UNC80: variants seen among roughly 807,000 people sequenced by gnomAD.
UNC80 encodes the protein unc-80 subunit of NALCN channel complex, also known as protein unc-80 homolog.
A neutral mutation model predicts 384.6 loss-of-function variants in UNC80; 164 were observed. The observed-to-expected ratio is 0.43, with a 90% CI of 0.38 to 0.49. The LOEUF is 0.49. Among genes scored for constraint, UNC80 ranks in the 20% least tolerant of loss-of-function variants. The probability of loss-of-function intolerance (pLI) is 0.00; values close to 1 mark genes in which losing one functional copy is unlikely to be tolerated. For synonymous variants in UNC80, 1,486 were observed against 1,527.8 expected, an observed-to-expected ratio of 0.97 and a Z score of 0.64; for missense variants, 3,330 against 4,143.0, an observed-to-expected ratio of 0.80 and a Z score of 5.39.
intron 29 of UNC80, among the ~76,000 whole-genome samples, chr2:209,909,790 T>C (rs2088698807): frequency 6.6e-6 from 1 of 151,942 alleles, no homozygotes. Flanking sequence ...TAGGAAAAAA[T>C]GTCATTGGTC....
intron 22 of UNC80, among the ~76,000 whole-genome samples, chr2:209,860,176 G>A (rs913555120): frequency 1.3e-5 from 2 of 152,148 alleles, no homozygotes; most frequent in Non-Finnish European, 2.9e-5. Flanking sequence ...TTACATTTAA[G>A]TCTTTAATCC....
At chr2:209,926,676 T>G (rs193128358) in intron 35 of UNC80, among the ~76,000 whole-genome samples, 167 bp from the exon 36 acceptor site, 3 of 152,300 alleles carry the variant, frequency 2.0e-5, no homozygotes, top group African/African-American at 7.2e-5. Flanking sequence ...CTCTGGAGGC[T>G]GAGACAGGAG....
chr2:209,836,559 A>G (rs1256097383), intron 18 of UNC80, among the ~76,000 whole-genome samples: 1 of 152,206 alleles, frequency 6.6e-6, no homozygotes, highest in Non-Finnish European at 1.5e-5. Context: ...CTTTCTTCTT[A>G]TGTGAAGATA....
chr2:209,920,620 A>G (rs1286478746), intron 33 of UNC80, among the ~76,000 whole-genome samples: 1 of 152,168 alleles, frequency 6.6e-6, no homozygotes, highest in East Asian at 1.9e-4. Context: ...TTTTACATTC[A>G]ACCTTAGTAA....
chr2:209,943,019 T>C (rs1438541044), intron 44 of UNC80, among the ~76,000 whole-genome samples: 2 of 152,216 alleles, frequency 1.3e-5, no homozygotes, highest in Non-Finnish European at 2.9e-5. Context: ...GATTTGTATA[T>C]ACCATAATTC....
intron 59 of UNC80, among the ~76,000 whole-genome samples, chr2:209,980,434 G>A (rs2093129734): frequency 6.6e-6 from 1 of 152,176 alleles, no homozygotes; most frequent in Non-Finnish European, 1.5e-5. Flanking sequence ...ATACTGATGA[G>A]GCAGCAGGGG....
chr2:209,827,988 G>T (rs1012548533), intron 14 of UNC80, among the ~76,000 whole-genome samples: 1 of 152,088 alleles, frequency 6.6e-6, no homozygotes, highest in Non-Finnish European at 1.5e-5. Flanking sequence ...TATTCATTCA[G>T]AATTTAAGTA....
intron 7 of UNC80, among the ~76,000 whole-genome samples, chr2:209,799,002 G>C (rs1048633554): frequency 6.7e-6 from 1 of 150,090 alleles, no homozygotes; most frequent in African/African-American, 2.4e-5. Flanking sequence ...TCCTTTGATA[G>C]TTCTTTGATA....
chr2:209,806,637 AAGAAG>A (rs2078918945), intron 7 of UNC80, among the ~76,000 whole-genome samples: 1 of 152,240 alleles, frequency 6.6e-6, no homozygotes, highest in Non-Finnish European at 1.5e-5. Context: ...TTAATCAGAA[AAGAAG>A]AGAACTTTAA....
chr2:209,893,011 T>TCA (rs1345648216), intron 26 of UNC80, among the ~76,000 whole-genome samples: 1 of 152,198 alleles, frequency 6.6e-6, no homozygotes, highest in Non-Finnish European at 1.5e-5. Context: ...ATCAGAACTT[T>TCA]CACATTATTC....
At chr2:209,910,611 A>G (rs976405609) in intron 29 of UNC80, among the ~76,000 whole-genome samples, 2 of 151,626 alleles carry the variant, frequency 1.3e-5, no homozygotes, top group African/African-American at 4.8e-5. Context: ...TTTGGTAGGC[A>G]GAAACACAGG....
chr2:209,792,641 C>T (rs2077894429), intron 6 of UNC80, among the ~76,000 whole-genome samples: 1 of 152,156 alleles, frequency 6.6e-6, no homozygotes, highest in South Asian at 2.1e-4. Context: ...GCCACCGCGC[C>T]CGGTTCCATC....
chr2:209,841,808 C>T (rs1228312771), intron 20 of UNC80, among the ~76,000 whole-genome samples: 1 of 152,062 alleles, frequency 6.6e-6, no homozygotes, highest in Non-Finnish European at 1.5e-5. Flanking sequence ...TTTGTGTGGC[C>T]CATAGCTTCC....
Position 209,970,858 on chromosome 2 carries a change from T to C in UNC80, c.8157T>C (p.Ser2719=). 1 of 1,551,662 alleles carries C rather than the reference T, an allele frequency of 6.4e-7. No homozygotes were observed. The highest frequency in any genetic ancestry group is 2.4e-5 in the East Asian group (1 of 40,922). ...NLVMGVVGPS[S]VADGLPLLHL... The stretch of plus-strand genomic sequence containing the variant: ...TGATGGGAGTGGTAGGACCTTCCAG[T>C]GTTGCTGATGGATTACCCCTTCTTC... Residue 2719 remains serine, a synonymous_variant, in exon 54 of 65, where the codon AGT becomes AGC. Transcript: ENST00000673920.
At chr2:209,859,071 T>A (rs373744898) in intron 22 of UNC80, among the ~76,000 whole-genome samples, 2 of 152,166 alleles carry the variant, frequency 1.3e-5, no homozygotes, top group Admixed American at 6.6e-5. Context: ...TTTTTTTAAA[T>A]TTTTTTCTAA....
rs973146185 is a variant in UNC80, at chr2:209,870,427, G to T, written c.3628-2331G>T. Among the ~76,000 whole-genome samples, 3 of 152,144 alleles carry T rather than the reference G, an allele frequency of 2.0e-5. No homozygotes were observed. The East Asian group carries it at 5.8e-4, about 29-fold the overall frequency. Reference sequence around the variant, plus strand: ...TATTTAGTCTATATGGCATGGCACTGCAATACTGCTGGGTTTAATGCAGAA... The same window carrying T: ...TATTTAGTCTATATGGCATGGCACTTCAATACTGCTGGGTTTAATGCAGAA... On this transcript the variant is annotated intron_variant, in intron 22 of 64. Transcript: ENST00000673920.
chr2:209,996,946 C>A lies in UNC80; in HGVS notation c.*1351C>A, dbSNP rs2093493257. ...TCCTCAAGATGAAGTTAAATATAGA[C>A]TTTAATTACCCTGCAATGAATTTAA... On this transcript the variant is annotated 3_prime_UTR_variant, in exon 65 of 65. Transcript: ENST00000673920. The A allele has an allele frequency of 6.6e-6, 1 of 152,062 alleles. No homozygotes were observed. Among genetic ancestry groups the A allele is most frequent in the South Asian group, 2.1e-4 (1 of 4,826 alleles). 9.4% of individuals were successfully genotyped at this position (152,062 alleles called of 1,614,324 possible).
intron 4 of UNC80, among the ~76,000 whole-genome samples, chr2:209,783,007 C>T (rs1389796959): frequency 6.6e-6 from 1 of 151,702 alleles, no homozygotes; most frequent in Non-Finnish European, 1.5e-5. Flanking sequence ...AAAAGCAAGC[C>T]CTTCAGGGGA....
chr2:209,931,402 C>T lies in UNC80; in HGVS notation c.5994+348C>T, dbSNP rs189672368. Among the ~76,000 whole-genome samples the T allele has an allele frequency of 2.8e-3, 427 of 151,664 alleles. 1 individual carries two copies. The highest frequency in any genetic ancestry group is 9.9e-3 in the African/African-American group (409 of 41,342). ...ACACACACACACACACACACACACA[C>T]ACACACACACACACAGATGCAACTG... On this transcript the variant is annotated intron_variant, in intron 38 of 64. Coordinates refer to ENST00000673920, the MANE Select transcript of UNC80 (RefSeq NM_001371986.1).
Sources: gnomAD v4.1 joint callset for allele counts (sites outside exome capture counted in the v4.1 genomes callset) on GRCh38, gnomAD v4.1.1 for gene constraint, MANE v1.5 for transcripts, NCBI Gene and HGNC (gene_info 2026-07-23, HGNC 2026-07-21) for gene names.